The following CA10 variants were observed in gnomAD, a reference collection of about 807,000 sequenced individuals.
CA10 encodes the protein carbonic anhydrase 10 (inactive), also known as carbonic anhydrase-related protein 10.
A neutral mutation model predicts 44.2 loss-of-function variants in CA10; 14 were observed. That is an observed-to-expected ratio of 0.32 (90% confidence interval 0.21 to 0.50). CA10 has a LOEUF of 0.50. Among genes scored for constraint, CA10 ranks in the 20% least tolerant of loss-of-function variants. The pLI is 0.99. For missense variants in CA10, 350 were observed against 409.7 expected (o/e 0.85, Z 1.26); for synonymous variants, 159 against 141.6 (o/e 1.12, Z -0.87).
rs554796918 is a variant in CA10 at position 51,690,132 on chromosome 17, G to A, written c.466-36396C>T. Among the ~76,000 whole-genome samples the A allele has an allele frequency of 7.9e-5, 12 of 152,240 alleles. No individual in the cohort carries two copies. The South Asian group carries it at 2.5e-3, about 32-fold the overall frequency. Reference sequence around the variant, plus strand: ...CCAGCTAATTTTTGTATTTTTAGTAGACATGGGGTTTTACCATGTTGGCCA... The same window carrying A: ...CCAGCTAATTTTTGTATTTTTAGTAAACATGGGGTTTTACCATGTTGGCCA... On this transcript the variant is annotated intron_variant, in intron 4 of 8. Coordinates refer to ENST00000451037, the MANE Select transcript of CA10 (RefSeq NM_020178.5).
intron 2 of CA10, among the ~76,000 whole-genome samples, chr17:51,964,502 T>A (rs1428018155): frequency 6.6e-6 from 1 of 151,994 alleles, no homozygotes; most frequent in Non-Finnish European, 1.5e-5. Flanking sequence ...GACCACATTC[T>A]TGGCCATAAA....
chr17:52,017,308 T>G (rs961425098), intron 2 of CA10, among the ~76,000 whole-genome samples: 14 of 152,110 alleles, frequency 9.2e-5, no homozygotes, highest in African/African-American at 1.2e-4. Context: ...AAGGAAAGTT[T>G]GGAAATTCCT....
intron 4 of CA10, among the ~76,000 whole-genome samples, chr17:51,659,972 T>A (rs1469278317): frequency 6.6e-6 from 1 of 152,224 alleles, no homozygotes; most frequent in Non-Finnish European, 1.5e-5. Flanking sequence ...TTGGCAAGCA[T>A]TTGCTGAATG....
chr17:52,004,344 C>G (rs1279660587), intron 2 of CA10, among the ~76,000 whole-genome samples: 1 of 151,732 alleles, frequency 6.6e-6, no homozygotes, highest in Non-Finnish European at 1.5e-5. Flanking sequence ...TAACTGGAAC[C>G]CAAACCAAAA....
At chr17:51,819,352 A>G (rs1024376329) in intron 3 of CA10, among the ~76,000 whole-genome samples, 4 of 152,224 alleles carry the variant, frequency 2.6e-5, no homozygotes, top group Admixed American at 2.6e-4. Context: ...TCCTGGCCAC[A>G]GAGCTGATCC....
chr17:51,829,179 A>G (rs1406371059), intron 3 of CA10, among the ~76,000 whole-genome samples: 4 of 152,324 alleles, frequency 2.6e-5, no homozygotes, highest in East Asian at 1.9e-4. Flanking sequence ...TTACAGAAAA[A>G]CGTTTGCCAA....
chr17:51,645,990 A>G (rs9907849), intron 6 of CA10, among the ~76,000 whole-genome samples: 105,544 of 152,064 alleles, frequency 0.69, 37,067 homozygotes, highest in South Asian at 0.81. Flanking sequence ...TGCCCTGGAT[A>G]TCATCTTGAT....
chr17:51,693,080 A>G (rs986875712), intron 4 of CA10, among the ~76,000 whole-genome samples: 45 of 152,162 alleles, frequency 3.0e-4, no homozygotes, highest in Middle Eastern at 6.3e-3. Context: ...GTTATAGCCA[A>G]TTTGGACTAG....
intron 3 of CA10, among the ~76,000 whole-genome samples, chr17:51,924,520 C>T (rs928073528): frequency 2.6e-5 from 4 of 152,130 alleles, no homozygotes; most frequent in Non-Finnish European, 4.4e-5. Context: ...GGATGTCTTC[C>T]GATCGTCCAT....
intron 3 of CA10, among the ~76,000 whole-genome samples, chr17:51,924,759 C>T (rs1265419346): frequency 6.6e-6 from 1 of 152,112 alleles, no homozygotes; most frequent in Non-Finnish European, 1.5e-5. Context: ...AGGTTCTGGT[C>T]CTCACTCCCT....
intron 3 of CA10, among the ~76,000 whole-genome samples, chr17:51,870,839 G>A (rs904630114): frequency 8.5e-5 from 13 of 152,062 alleles, no homozygotes; most frequent in African/African-American, 3.1e-4. Context: ...AGAAATACAG[G>A]GGGTGGTGGG....
At chr17:52,153,970 A>G (rs2143419526) in intron 1 of CA10, among the ~76,000 whole-genome samples, 1 of 152,332 alleles carries the variant, frequency 6.6e-6, no homozygotes, top group African/African-American at 2.4e-5. Context: ...AGTGTAGGAA[A>G]TATTCCTTGC....
intron 2 of CA10, among the ~76,000 whole-genome samples, chr17:52,002,193 A>G (rs193103728): frequency 6.6e-6 from 1 of 152,132 alleles, no homozygotes; most frequent in Admixed American, 6.5e-5. Flanking sequence ...CCTATAACTT[A>G]AAGTATAATT....
intron 3 of CA10, among the ~76,000 whole-genome samples, chr17:51,906,426 T>C (rs1981557395): frequency 6.6e-6 from 1 of 152,108 alleles, no homozygotes; most frequent in Non-Finnish European, 1.5e-5. Context: ...CCCTCCTTTC[T>C]CACCGGATGT....
At chr17:51,855,359 G>A (rs546936736) in intron 3 of CA10, among the ~76,000 whole-genome samples, 1 of 152,260 alleles carries the variant, frequency 6.6e-6, no homozygotes, top group South Asian at 2.1e-4. Context: ...TAGCAAGATT[G>A]TAATATGCAC....
In CA10 at chr17:51,717,825, GTGTGTATATA is replaced by G. The variant is rs1375751639; in HGVS notation, c.465+29798_465+29807del. 3.8e-4 allele frequency among the ~76,000 whole-genome samples: 5 copies of G among 13,052 alleles called. 1 individual carries two copies. The highest frequency in any genetic ancestry group is 5.4e-4 in the Non-Finnish European group (4 of 7,396). 8.6% of individuals were successfully genotyped at this position (13,052 alleles called of 152,430 possible). A position where few individuals can be genotyped will look rare whatever the true frequency, so the allele number is the denominator to read the frequency against. ...TATATATATACACGTATATATATGT[GTGTGTATATA>G]TATATATATATATATATATATATAT... is the stretch of plus-strand genomic sequence containing the variant. On this transcript the variant is annotated intron_variant, in intron 4 of 8. Transcript: ENST00000451037.
chr17:51,885,675 A>G (rs1422495876), intron 3 of CA10, among the ~76,000 whole-genome samples: 2 of 152,234 alleles, frequency 1.3e-5, no homozygotes, highest in African/African-American at 4.8e-5. Flanking sequence ...GCATTGGTGT[A>G]GAATCATGAC....
chr17:52,122,675 A>G (rs16951004), intron 1 of CA10, among the ~76,000 whole-genome samples: 35,730 of 152,118 alleles, frequency 0.23, 4,725 homozygotes, highest in South Asian at 0.38. Context: ...ATCTTAAAAA[A>G]TCAGAGGCCC....
chr17:51,843,216 C>T (rs1021813388), intron 3 of CA10, among the ~76,000 whole-genome samples: 2 of 152,172 alleles, frequency 1.3e-5, no homozygotes, highest in Admixed American at 6.5e-5. Context: ...TGGGTAAAGT[C>T]GGACTGGAGT....
Sources: allele counts gnomAD v4.1 joint callset (sites outside exome capture counted in the v4.1 genomes callset), GRCh38; gene constraint gnomAD v4.1.1; transcripts MANE v1.5; gene names NCBI Gene and HGNC (gene_info 2026-07-23, HGNC 2026-07-21).